SUN3: variants seen among roughly 807,000 people sequenced by gnomAD.
SUN3 encodes the protein SUN domain-containing protein 3.
A neutral mutation model predicts 48.2 loss-of-function variants in SUN3; 36 were observed. That is an observed-to-expected ratio of 0.75 (90% CI 0.57 to 0.99). The LOEUF (loss-of-function observed/expected upper bound fraction) is 0.99. Among genes scored for constraint, SUN3 ranks in the 50% least tolerant of loss-of-function variants. The pLI is 0.00. For missense variants in SUN3, 419 were observed against 433.1 expected (o/e 0.97, Z 0.29); for synonymous variants, 148 against 147.9 (o/e 1.00, Z 0.00).
chr7:48,005,936 TA>T, intron 6 of SUN3, 32 bp downstream of exon 6: 1 of 1,433,866 alleles, frequency 7.0e-7, no homozygotes, highest in Non-Finnish European at 9.7e-7. Context: ...CTTTTTTTTT[TA>T]ATGTTCCTCT....
chr7:48,009,224 C>T, intron 3 of SUN3, 149 bp from the exon 4 acceptor site: 1 of 649,438 alleles, frequency 1.5e-6, no homozygotes, highest in East Asian at 2.8e-5. Context: ...TCTGAGAGGC[C>T]CGCCTCTTTC....
chr7:47,994,808 GTGA>G (rs1789159572), intron 7 of SUN3, among the ~76,000 whole-genome samples: 1 of 152,058 alleles, frequency 6.6e-6, no homozygotes, highest in South Asian at 2.1e-4. Context: ...GATCATTGTG[GTGA>G]TGATGGTGGT....
upstream of SUN3, among the ~76,000 whole-genome samples, chr7:48,033,011 G>C (rs570214032): frequency 6.6e-6 from 1 of 152,318 alleles, no homozygotes; most frequent in Non-Finnish European, 1.5e-5. Context: ...GAGATTATCT[G>C]CATATCTACA....
intron 4 of SUN3, among the ~76,000 whole-genome samples, chr7:48,007,822 A>T (rs972314248): frequency 4.0e-5 from 6 of 151,474 alleles, no homozygotes; most frequent in Non-Finnish European, 7.4e-5. Context: ...ACTTCCCAAG[A>T]ATGTTTTTTT....
chr7:48,024,424 A>T (rs1040036913), intron 2 of SUN3, among the ~76,000 whole-genome samples: 1 of 152,216 alleles, frequency 6.6e-6, no homozygotes, highest in African/African-American at 2.4e-5. Context: ...GATGCTTGAC[A>T]TCATTAGTCA....
At chr7:48,010,980 G>C (rs1184876480) in intron 3 of SUN3, among the ~76,000 whole-genome samples, 2 of 148,570 alleles carry the variant, frequency 1.3e-5, no homozygotes, top group African/African-American at 4.9e-5. Flanking sequence ...CTCTGCCTCT[G>C]CCTTTACGTG....
chr7:48,035,554 G>T, the SUN3 span: 1 of 698,218 alleles, frequency 1.4e-6, no homozygotes, highest in South Asian at 1.5e-5. This position sits in a 1 kb window ranked among gnomAD's most constrained non-coding sequence, Gnocchi z 4.0. Context: ...GGTTTGGTTG[G>T]CTGCAGCCAG....
chr7:48,011,771 T>C (rs1248367457), intron 3 of SUN3, among the ~76,000 whole-genome samples: 1 of 152,202 alleles, frequency 6.6e-6, no homozygotes, highest in East Asian at 1.9e-4. Flanking sequence ...ACTTGTATAG[T>C]ATAAGAACAT....
chr7:47,998,281 T>C (rs1441414650), intron 6 of SUN3, among the ~76,000 whole-genome samples: 1 of 152,202 alleles, frequency 6.6e-6, no homozygotes, highest in Non-Finnish European at 1.5e-5. Context: ...TGTGTAATGA[T>C]ATAACATTGA....
At chr7:48,021,147 C>T (rs1312836079) in intron 2 of SUN3, among the ~76,000 whole-genome samples, 1 of 152,028 alleles carries the variant, frequency 6.6e-6, no homozygotes, top group Non-Finnish European at 1.5e-5. Context: ...GTGCCAAGAA[C>T]ATACGCTGGG....
At chr7:48,034,508 AG>A in the SUN3 span, among the ~76,000 whole-genome samples, 1 of 152,236 alleles carries the variant, frequency 6.6e-6, no homozygotes. Context: ...TTGGAACAAC[AG>A]GATTTCTTTG....
upstream of SUN3, among the ~76,000 whole-genome samples, chr7:48,031,676 T>C (rs997120192): frequency 2.0e-5 from 3 of 152,172 alleles, no homozygotes; most frequent in Admixed American, 6.5e-5. Flanking sequence ...TACCTTATGA[T>C]TCAGCAATCC....
chr7:48,005,608 AT>A lies in SUN3; in HGVS notation c.577+360del, dbSNP rs1318108544. Among the ~76,000 whole-genome samples the A allele has an allele frequency of 2.0e-5, 3 of 152,286 alleles. No individual in the cohort carries two copies. The East Asian group carries it at 5.8e-4, about 29-fold the overall frequency. Reference sequence around the variant, plus strand: ...TTATATATAACCTTTAAACACTGTCATTTAATCCCTAATAATGCATTTAGAT... The same window carrying A: ...TTATATATAACCTTTAAACACTGTCATTAATCCCTAATAATGCATTTAGAT... On this transcript the variant is annotated intron_variant, in intron 6 of 9. Coordinates refer to ENST00000297325, the MANE Select transcript of SUN3 (RefSeq NM_001030019.2).
Position 47,987,355 on chromosome 7 carries a change from T to G in SUN3, c.1049A>C (p.His350Pro), listed in dbSNP as rs1286450802. ...KYTCLYRFRV[H>P]GTPGKHI ...CTAGATGTGCTTGCCTGGTGTGCCA[T>G]GGACCCTGAATCGATATAAACAAGT... Residue 350 changes from histidine (H) to proline (P), a missense_variant, in exon 10 of 10, where the codon CAT (histidine) becomes CCT (proline). By Grantham distance (77) the His-to-Pro change is moderately conservative. Coordinates refer to ENST00000297325, the MANE Select transcript of SUN3 (RefSeq NM_001030019.2). The G allele has an allele frequency of 1.1e-5, 18 of 1,612,412 alleles. No individual in the cohort carries two copies. The highest frequency in any genetic ancestry group is 1.4e-5 in the Non-Finnish European group (17 of 1,179,066).
chr7:47,995,119 G>A (rs1789170396), intron 7 of SUN3, among the ~76,000 whole-genome samples: 1 of 152,056 alleles, frequency 6.6e-6, no homozygotes, highest in Non-Finnish European at 1.5e-5. Flanking sequence ...TAGTGGTGAT[G>A]GTGGTGATGA....
intron 2 of SUN3, among the ~76,000 whole-genome samples, chr7:48,022,521 C>G (rs1790028158): frequency 6.6e-6 from 1 of 152,090 alleles, no homozygotes; most frequent in East Asian, 1.9e-4. Context: ...CAAAACATCT[C>G]AGGTACCCCA....
chr7:47,997,592 C>G (rs150282432), intron 6 of SUN3, among the ~76,000 whole-genome samples: 1 of 152,272 alleles, frequency 6.6e-6, no homozygotes, highest in African/African-American at 2.4e-5. Context: ...AATTCACATC[C>G]TATACAATTC....
Position 48,017,330 on chromosome 7 carries a change from C to T in SUN3, c.220G>A (p.Val74Ile). The T allele has an allele frequency of 1.2e-6, 2 of 1,609,678 alleles. No homozygotes were observed. Among genetic ancestry groups the T allele is most frequent in the Middle Eastern group, 3.3e-4 (2 of 6,050 alleles). ...LNHQWLKETDVPQKSRQLYAI... is the reference protein window; with the variant it reads ...LNHQWLKETDIPQKSRQLYAI... Reference sequence around the variant, plus strand: ...TATAATTGTCTGGATTTCTGAGGAACATCTGTTTCTTTAAGCCACTGATGA... The same window carrying T: ...TATAATTGTCTGGATTTCTGAGGAATATCTGTTTCTTTAAGCCACTGATGA... The change falls in exon 3 of 10, where the codon GTT becomes ATT. Residue 74 changes from valine to isoleucine, a missense_variant. Coordinates refer to ENST00000297325, the MANE Select transcript of SUN3 (RefSeq NM_001030019.2).
chr7:48,013,455 A>T (rs1428070023), intron 3 of SUN3, among the ~76,000 whole-genome samples: 2 of 152,196 alleles, frequency 1.3e-5, no homozygotes, highest in African/African-American at 4.8e-5. Flanking sequence ...AATCATTGGG[A>T]TTCAATATGA....
Sources: gnomAD v4.1 joint callset for allele counts (sites outside exome capture counted in the v4.1 genomes callset) on GRCh38, gnomAD v4.1.1 for gene constraint, Gnocchi (gnomAD v3.1) non-coding constraint, MANE v1.5 for transcripts, NCBI Gene and HGNC (gene_info 2026-07-23, HGNC 2026-07-21) for gene names.